The following AGBL1 variants were observed in gnomAD, a reference collection of about 807,000 sequenced individuals.
AGBL1 encodes AGBL carboxypeptidase 1.
In AGBL1, 130 loss-of-function variants were observed where a neutral mutation model predicts 118.9. The observed-to-expected ratio is 1.09, with a 90% CI of 0.95 to 1.26. The LOEUF (loss-of-function observed/expected upper bound fraction) is 1.26. Ranked by LOEUF, AGBL1 falls within the 50% of genes most tolerant of loss-of-function variation. AGBL1 has a pLI of 0.00. For synonymous variants in AGBL1, 555 were observed against 478.9 expected, an observed-to-expected ratio of 1.16 and a Z score of -2.08; for missense variants, 1,584 against 1,298.1, an observed-to-expected ratio of 1.22 and a Z score of -3.38.
intron 22 of AGBL1, among the ~76,000 whole-genome samples, chr15:86,751,816 G>T (rs988904631): frequency 2.0e-5 from 3 of 152,062 alleles, no homozygotes; most frequent in Admixed American, 6.6e-5. Context: ...AAATGAAAAG[G>T]TTTATTATTA....
chr15:86,827,747 T>C lies in AGBL1; in HGVS notation c.3159-79340T>C, dbSNP rs1653926449. On this transcript the variant is annotated intron_variant, in intron 22 of 22. Coordinates refer to ENST00000614907, the MANE Select transcript of AGBL1 (RefSeq NM_001386094.1). ...GAGACCACTACCACCACCAAAGATG[T>C]GCAATTATGTAGGAGTAGTGGTCCT... Among the ~76,000 whole-genome samples, 3 of 146,706 alleles carry C rather than the reference T, an allele frequency of 2.0e-5. No individual in the cohort carries two copies. In the South Asian group the frequency reaches 6.6e-4, roughly 32 times the overall value.
intron 23 of AGBL1, among the ~76,000 whole-genome samples, chr15:86,934,559 C>A (rs2080643742): frequency 6.6e-6 from 1 of 151,234 alleles, no homozygotes. Flanking sequence ...AATAGCAGAA[C>A]AAAACTGTCT....
At position 86,546,022 on chromosome 15, in the gene AGBL1, C is replaced by T. The variant is rs768845558; in HGVS notation, c.2706C>T (p.Gly902=). ...TGTAGGTTTTCTGTGACTTCCATGG[C>T]CACTCCCAAAAGAAGAATGTGTTCC... ...RSPVVFCDFH[G]HSQKKNVFLY... is the part of the protein sequence containing the mutation. Residue 902 remains glycine, a synonymous_variant, in exon 20 of 23, where the codon GGC becomes GGT. Coordinates refer to ENST00000614907, the MANE Select transcript of AGBL1 (RefSeq NM_001386094.1). 1.2e-6 allele frequency: 2 copies of T among 1,612,930 alleles called. No individual in the cohort carries two copies. Among genetic ancestry groups the T allele is most frequent in the Non-Finnish European group, 8.5e-7 (1 of 1,179,378 alleles).
intron 22 of AGBL1, among the ~76,000 whole-genome samples, chr15:86,875,534 G>A (rs2141516725): frequency 6.6e-6 from 1 of 152,296 alleles, no homozygotes; most frequent in South Asian, 2.1e-4. Flanking sequence ...AAGTAGGTCT[G>A]TTTTATTAAT....
At chr15:86,596,008 A>G (rs1420893617) in intron 21 of AGBL1, among the ~76,000 whole-genome samples, 2 of 151,984 alleles carry the variant, frequency 1.3e-5, no homozygotes, top group Non-Finnish European at 2.9e-5. Flanking sequence ...CAAAAGACCA[A>G]TCTTAGGGGG....
chr15:86,894,683 C>T (rs905701676), intron 22 of AGBL1, among the ~76,000 whole-genome samples: 2 of 152,140 alleles, frequency 1.3e-5, no homozygotes, highest in Non-Finnish European at 2.9e-5. Context: ...GTACAAGGAG[C>T]AGTGGTGAAA....
chr15:86,765,584 A>G lies in AGBL1; in HGVS notation c.3158+91148A>G, dbSNP rs78361724. 4.2e-3 allele frequency among the ~76,000 whole-genome samples: 639 copies of G among 152,102 alleles called. 2 individuals carry two copies. The highest frequency in any genetic ancestry group is 7.2e-3 in the Non-Finnish European group (492 of 67,950). On this transcript the variant is annotated intron_variant, in intron 22 of 22. Transcript: ENST00000614907. ...ATTCCACATGGTAGGGACAGCATTT[A>G]CGATTCCCTGGAGCTTTAAGGGGGA...
In AGBL1 at chr15:86,104,401, A is replaced by G. The variant is rs921428117; in HGVS notation, c.51+24378A>G. ...GCTGGGGAGTATATGCTTTCACCCC[A>G]GTTGATGGCTGCAGGTAGGGTAGCC... On this transcript the variant is annotated intron_variant, in intron 1 of 22. Coordinates refer to ENST00000614907, the MANE Select transcript of AGBL1 (RefSeq NM_001386094.1). 3.3e-5 allele frequency among the ~76,000 whole-genome samples: 5 copies of G among 152,158 alleles called. No individual in the cohort carries two copies. The South Asian group carries it at 8.3e-4, about 25-fold the overall frequency.
At chr15:86,687,433 C>T (rs531032734) in intron 22 of AGBL1, among the ~76,000 whole-genome samples, 1 of 152,194 alleles carries the variant, frequency 6.6e-6, no homozygotes, top group South Asian at 2.1e-4. Flanking sequence ...ATGCCCCCTA[C>T]CCAAGAACAA....
chr15:86,123,296 G>C (rs1466144909), intron 1 of AGBL1, among the ~76,000 whole-genome samples: 1 of 152,128 alleles, frequency 6.6e-6, no homozygotes, highest in Non-Finnish European at 1.5e-5. Context: ...CTGGAGTGCA[G>C]TGGCACAATC....
At chr15:86,455,472 GT>G (rs891866083) in intron 18 of AGBL1, among the ~76,000 whole-genome samples, 2 of 151,896 alleles carry the variant, frequency 1.3e-5, no homozygotes, top group East Asian at 1.9e-4. Context: ...TGGTTGGGTT[GT>G]TTTTTTAATG....
intron 22 of AGBL1, among the ~76,000 whole-genome samples, chr15:86,865,252 G>C (rs1486678941): frequency 6.6e-6 from 1 of 152,172 alleles, no homozygotes; most frequent in Non-Finnish European, 1.5e-5. Context: ...GAGCTAACTT[G>C]CATTCCTCAT....
At position 86,158,932 on chromosome 15, in the gene AGBL1, G is replaced by A. The variant is rs1190561686; in HGVS notation, c.395-1G>A. On this transcript the variant is annotated splice_acceptor_variant, in intron 4 of 22. Transcript: ENST00000614907. LOFTEE classifies it high-confidence loss of function. The stretch of plus-strand genomic sequence containing the variant: ...AACTACTGTGCTTTTGTTTTTCTTA[G>A]TCTCCATGGGAGCCATGCTGGGAAT... The A allele has an allele frequency of 1.2e-6, 2 of 1,612,878 alleles. No individual in the cohort carries two copies. The highest frequency in any genetic ancestry group is 2.7e-5 in the African/African-American group (2 of 74,840).
At chr15:86,964,057 T>TGTGTG (rs759840694) in intron 23 of AGBL1, among the ~76,000 whole-genome samples, 63 of 132,436 alleles carry the variant, frequency 4.8e-4, no homozygotes, top group Non-Finnish European at 8.5e-4. Context: ...GTGTGTGTGT[T>TGTGTG]TGTGTGTGAC....
chr15:86,500,177 C>A (rs1036915842), intron 18 of AGBL1, among the ~76,000 whole-genome samples: 19 of 151,836 alleles, frequency 1.3e-4, no homozygotes, highest in African/African-American at 4.6e-4. Flanking sequence ...GACTTGAGAG[C>A]TTTATGAGGC....
intron 7 of AGBL1, among the ~76,000 whole-genome samples, chr15:86,252,705 G>A (rs76364765): frequency 0.025 from 3,737 of 152,298 alleles, 155 homozygotes; most frequent in African/African-American, 0.086. Context: ...CACTTGGTTT[G>A]TGAACTGTTC....
At chr15:86,674,518 A>AC (rs1465357643) in intron 22 of AGBL1, 82 bp downstream of exon 22, 1 of 1,402,790 alleles carries the variant, frequency 7.1e-7, no homozygotes, top group Non-Finnish European at 9.7e-7. Flanking sequence ...AGTCGAGTGG[A>AC]CCTAGGGGTC....
At chr15:86,954,021 A>C (rs2080905750) in intron 23 of AGBL1, among the ~76,000 whole-genome samples, 1 of 152,206 alleles carries the variant, frequency 6.6e-6, no homozygotes, top group South Asian at 2.1e-4. Flanking sequence ...ATGCCAATCA[A>C]TCAAAAACCA....
chr15:86,690,955 T>G (rs1410542798), intron 22 of AGBL1, among the ~76,000 whole-genome samples: 3 of 152,262 alleles, frequency 2.0e-5, no homozygotes, highest in East Asian at 1.9e-4. Flanking sequence ...ATCAGGGAAA[T>G]GTATTAGCTA....
Sources: gnomAD v4.1 joint callset for allele counts (sites outside exome capture counted in the v4.1 genomes callset) on GRCh38, gnomAD v4.1.1 for gene constraint, MANE v1.5 for transcripts, NCBI Gene and HGNC (gene_info 2026-07-23, HGNC 2026-07-21) for gene names.